KHDRBS2: variants seen among roughly 807,000 people sequenced by gnomAD.
KHDRBS2 encodes KH RNA binding domain containing, signal transduction associated 2.
A neutral mutation model predicts 44.3 loss-of-function variants in KHDRBS2; 26 were observed. The observed-to-expected ratio is 0.59, with a 90% confidence interval of 0.43 to 0.81. The LOEUF is 0.81. KHDRBS2 is among the 40% of genes least tolerant of loss of function. The pLI is 0.00. For missense variants in KHDRBS2, 476 were observed against 433.1 expected, an observed-to-expected ratio of 1.10 and a Z score of -0.88; for synonymous variants, 194 against 151.1, an observed-to-expected ratio of 1.28 and a Z score of -2.08.
At chr6:62,254,996 A>T (rs1445819668) in intron 1 of KHDRBS2, among the ~76,000 whole-genome samples, 3 of 152,116 alleles carry the variant, frequency 2.0e-5, no homozygotes, top group Non-Finnish European at 4.4e-5. Flanking sequence ...TGTTTCTCCC[A>T]TGAGTTCTTA....
chr6:61,567,991 A>G, the KHDRBS2 span, among the ~76,000 whole-genome samples: 5 of 152,006 alleles, frequency 3.3e-5, no homozygotes, highest in Non-Finnish European at 7.4e-5. Context: ...ATAAGTCTTT[A>G]ATTCATCTTG....
chr6:61,620,327 CT>C, the KHDRBS2 span, among the ~76,000 whole-genome samples: 1 of 151,812 alleles, frequency 6.6e-6, no homozygotes, highest in East Asian at 1.9e-4. Context: ...ATTATTGATT[CT>C]TTTAATTGAG....
chr6:61,596,568 A>G, the KHDRBS2 span, among the ~76,000 whole-genome samples: 1 of 152,090 alleles, frequency 6.6e-6, no homozygotes, highest in Non-Finnish European at 1.5e-5. Flanking sequence ...TTAGAACATA[A>G]CTATTCTGAT....
chr6:62,191,841 A>AT (rs973189495), intron 1 of KHDRBS2, among the ~76,000 whole-genome samples: 9 of 152,252 alleles, frequency 5.9e-5, no homozygotes, highest in African/African-American at 1.9e-4. Context: ...TAAAATCTGG[A>AT]TTTTTTAAAT....
At chr6:61,563,181 G>A in the KHDRBS2 span, among the ~76,000 whole-genome samples, 1 of 152,030 alleles carries the variant, frequency 6.6e-6, no homozygotes, top group Non-Finnish European at 1.5e-5. Flanking sequence ...AGTATTTAGT[G>A]TTTTCAGGTT....
chr6:62,161,936 G>T (rs1283990805), intron 2 of KHDRBS2, among the ~76,000 whole-genome samples: 1 of 151,854 alleles, frequency 6.6e-6, no homozygotes, highest in East Asian at 1.9e-4. Flanking sequence ...TTCCATTGTT[G>T]ATGTCACAAA....
intron 4 of KHDRBS2, among the ~76,000 whole-genome samples, chr6:61,910,950 T>C (rs530615693): frequency 4.6e-5 from 7 of 152,346 alleles, no homozygotes; most frequent in African/African-American, 1.4e-4. Context: ...AAATAGGCGT[T>C]GATTTAATAC....
At chr6:62,253,419 T>C (rs1836862041) in intron 1 of KHDRBS2, among the ~76,000 whole-genome samples, 1 of 151,620 alleles carries the variant, frequency 6.6e-6, no homozygotes, top group South Asian at 2.1e-4. Flanking sequence ...ATCCCTAGGG[T>C]TTTTGTATTT....
the KHDRBS2 span, among the ~76,000 whole-genome samples, chr6:61,570,341 T>G: frequency 7.3e-3 from 1,104 of 151,946 alleles, 15 homozygotes; most frequent in African/African-American, 0.026. Flanking sequence ...AAAGACAAGG[T>G]TTTTAAATTA....
At chr6:62,160,393 T>C (rs208995) in intron 2 of KHDRBS2, among the ~76,000 whole-genome samples, 1 of 151,902 alleles carries the variant, frequency 6.6e-6, no homozygotes, top group South Asian at 2.1e-4. Context: ...TTACATGAGG[T>C]AGGTCATTTT....
At chr6:61,661,703 C>A in the KHDRBS2 span, among the ~76,000 whole-genome samples, 3 of 151,716 alleles carry the variant, frequency 2.0e-5, no homozygotes, top group South Asian at 6.2e-4. Context: ...ACATGAAGGA[C>A]CTCTTCAAGG....
At chr6:61,873,483 A>G (rs1798955158) in intron 6 of KHDRBS2, among the ~76,000 whole-genome samples, 2 of 152,034 alleles carry the variant, frequency 1.3e-5, no homozygotes, top group Non-Finnish European at 2.9e-5. Context: ...CAAAACGTGG[A>G]GAACTAAGGA....
the KHDRBS2 span, among the ~76,000 whole-genome samples, chr6:61,613,854 G>A: frequency 6.6e-6 from 1 of 152,060 alleles, no homozygotes; most frequent in Non-Finnish European, 1.5e-5. Context: ...ACAACCAACA[G>A]CAACATTGGG....
chr6:61,752,866 T>C (rs2127569417), intron 6 of KHDRBS2, among the ~76,000 whole-genome samples: 1 of 152,170 alleles, frequency 6.6e-6, no homozygotes, highest in Admixed American at 6.6e-5. Context: ...AAGTTGTAAT[T>C]AATGTAGTCA....
chr6:61,907,188 C>A (rs1805195730), intron 4 of KHDRBS2, among the ~76,000 whole-genome samples: 1 of 151,868 alleles, frequency 6.6e-6, no homozygotes, highest in Non-Finnish European at 1.5e-5. Context: ...TACCTGTTGA[C>A]AATTTGTATG....
At chr6:62,176,720 TAGA>T (rs1318115616) in intron 2 of KHDRBS2, among the ~76,000 whole-genome samples, 2 of 151,288 alleles carry the variant, frequency 1.3e-5, no homozygotes, top group Non-Finnish European at 3.0e-5. Context: ...ACTTTGATTA[TAGA>T]AGACTATAGG....
the KHDRBS2 span, among the ~76,000 whole-genome samples, chr6:61,658,651 C>T: frequency 6.6e-6 from 1 of 151,910 alleles, no homozygotes; most frequent in African/African-American, 2.4e-5. Flanking sequence ...AGGGTCCTGA[C>T]ATCTGTAGTT....
chr6:61,889,898 C>T (rs1428016669), intron 6 of KHDRBS2, among the ~76,000 whole-genome samples: 1 of 152,096 alleles, frequency 6.6e-6, no homozygotes, highest in Non-Finnish European at 1.5e-5. Context: ...CTTGCAGTTT[C>T]CTCTACCAGG....
chr6:62,153,448 A>G (rs1815660687), intron 2 of KHDRBS2, among the ~76,000 whole-genome samples: 3 of 152,146 alleles, frequency 2.0e-5, no homozygotes, highest in Admixed American at 2.0e-4. Context: ...TCATATTATG[A>G]CAAAATAGTC....
Sources: allele counts gnomAD v4.1 joint callset (sites outside exome capture counted in the v4.1 genomes callset), GRCh38; gene constraint gnomAD v4.1.1; transcripts MANE v1.5; gene names NCBI Gene and HGNC (gene_info 2026-07-23, HGNC 2026-07-21).